ACR: variants seen among roughly 807,000 people sequenced by gnomAD.
ACR encodes the protein acrosin, also known as acrosin light and heavy chain prepropeptide.
Under a neutral mutation model 26.0 loss-of-function variants are expected in ACR, and 17 were observed. The ratio of observed to expected loss-of-function variants is 0.65; its 90% CI spans 0.45 to 0.98. The LOEUF is 0.98. Among genes scored for constraint, ACR ranks in the 50% least tolerant of loss-of-function variants. The pLI, the probability that ACR is intolerant of heterozygous loss-of-function variation, is 0.00. For synonymous variants in ACR, 199 were observed against 207.7 expected (o/e 0.96, Z 0.36); for missense variants, 435 against 519.3 (o/e 0.84, Z 1.58).
intron 3 of ACR, among the ~76,000 whole-genome samples, chr22:50,742,367 A>C (rs934888923): frequency 1.3e-5 from 2 of 151,594 alleles, no homozygotes; most frequent in African/African-American, 2.4e-5. Flanking sequence ...ACACGGTGAA[A>C]CCTCATTTCT....
Position 50,739,472 on chromosome 22 carries a change from A to G in ACR, c.279A>G (p.Lys93=). ...VLTAAHCFVG[K]NNVHDWRLVF... ...CTGCTGCTCACTGCTTCGTCGGCAA[A>G]AAGTACGTGTAGGGATGCACTGAGG... is the stretch of plus-strand genomic sequence containing the variant. Residue 93 remains lysine (K), a splice_region_variant and synonymous_variant, in exon 2 of 5, where the codon AAA becomes AAG. Transcript: ENST00000216139. The surrounding 1 kb of genome is among the most constrained non-coding windows in gnomAD (Gnocchi z 5.5). The G allele has an allele frequency of 1.2e-6, 2 of 1,614,122 alleles. No individual in the cohort carries two copies. Among genetic ancestry groups the G allele is most frequent in the Non-Finnish European group, 1.7e-6 (2 of 1,180,004 alleles).
intron 3 of ACR, among the ~76,000 whole-genome samples, chr22:50,742,436 C>G (rs1171267365): frequency 6.6e-6 from 1 of 150,606 alleles, no homozygotes; most frequent in African/African-American, 2.4e-5. Flanking sequence ...CCCAGCTACT[C>G]GGGAGGCTGA....
chr22:50,743,259 A>AGT (rs2083434424), intron 3 of ACR, among the ~76,000 whole-genome samples: 1 of 151,336 alleles, frequency 6.6e-6, no homozygotes, highest in Admixed American at 6.6e-5. Context: ...ATGGTCTCGA[A>AGT]CTCCTGACCT....
In ACR at chr22:50,744,687, G is replaced by A. The variant is rs1349831341; in HGVS notation, c.746G>A (p.Ser249Asn). 1.9e-6 allele frequency: 3 copies of A among 1,613,054 alleles called. No homozygotes were observed. The highest frequency in any genetic ancestry group is 1.6e-4 in the Middle Eastern group (1 of 6,076). ...DSGGPLMCKD[S>N]KESAYVVVGI... ...GGCGGGCCTCTCATGTGCAAAGACA[G>A]CAAGGAAAGCGCCTATGTGGTCGTG... Residue 249 changes from serine to asparagine, a missense_variant, in exon 5 of 5, where the codon AGC (serine) becomes AAC (asparagine). Ser to Asn is a conservative substitution (Grantham distance 46). Coordinates refer to ENST00000216139, the MANE Select transcript of ACR (RefSeq NM_001097.3).
At chr22:50,743,737 C>T (rs1029734083) in intron 3 of ACR, among the ~76,000 whole-genome samples, 29 of 152,162 alleles carry the variant, frequency 1.9e-4, no homozygotes, top group Admixed American at 1.3e-4. Context: ...TTGGTGCACA[C>T]TAGGTGTTAT....
rs1280385388 is a variant in ACR at position 50,741,133 on chromosome 22, C to T, written c.565+1156C>T. Among the ~76,000 whole-genome samples the T allele has an allele frequency of 3.3e-5, 5 of 152,212 alleles. No homozygotes were observed. In the South Asian group the frequency reaches 6.2e-4, roughly 19 times the overall value. On this transcript the variant is annotated intron_variant, in intron 3 of 4. Coordinates refer to ENST00000216139, the MANE Select transcript of ACR (RefSeq NM_001097.3). Reference sequence around the variant, plus strand: ...GCAATTCAGTCATATGAGTCTAAAACGCAGCCTTTTTTGGGTAACAACAAC... The same window carrying T: ...GCAATTCAGTCATATGAGTCTAAAATGCAGCCTTTTTTGGGTAACAACAAC...
chr22:50,742,462 T>C (rs1002648495), intron 3 of ACR, among the ~76,000 whole-genome samples: 18 of 149,234 alleles, frequency 1.2e-4, no homozygotes, highest in African/African-American at 4.0e-4. Flanking sequence ...GAGAATGGCG[T>C]GAACCCAGGA....
At position 50,745,277 on chromosome 22, in the gene ACR, A is replaced by G. The variant is rs2083445457; in HGVS notation, c.*70A>G. The G allele has an allele frequency of 1.0e-6, 1 of 986,456 alleles. No individual in the cohort carries two copies. Among genetic ancestry groups the G allele is most frequent in the African/African-American group, 1.7e-5 (1 of 59,020 alleles). 61.1% of individuals were successfully genotyped at this position (986,456 alleles called of 1,614,324 possible). A position where few individuals can be genotyped will look rare whatever the true frequency, so the allele number is the denominator to read the frequency against. ...GAAAAAGGAAAGATGAAATAAATAAATAAACATATATATATAGATATACAC... is the reference window on the plus strand; with the variant it reads ...GAAAAAGGAAAGATGAAATAAATAAGTAAACATATATATATAGATATACAC... On this transcript the variant is annotated 3_prime_UTR_variant, in exon 5 of 5. Coordinates refer to ENST00000216139, the MANE Select transcript of ACR (RefSeq NM_001097.3).
intron 3 of ACR, 112 bp downstream of exon 3, chr22:50,740,089 C>T (rs570026811): frequency 2.0e-5 from 27 of 1,343,164 alleles, no homozygotes; most frequent in African/African-American, 1.3e-4. Context: ...ATCCTCCTCA[C>T]GGCGCTACAC....
chr22:50,738,370 G>A (rs762627827), intron 1 of ACR, 58 bp downstream of exon 1: 63 of 1,530,936 alleles, frequency 4.1e-5, no homozygotes, highest in African/African-American at 2.2e-4. Context: ...GTACCACCCC[G>A]ACTCCCTCTG....
chr22:50,741,830 T>A (rs1287381198), intron 3 of ACR, among the ~76,000 whole-genome samples: 1 of 151,248 alleles, frequency 6.6e-6, no homozygotes, highest in Non-Finnish European at 1.5e-5. Context: ...TAAGCATTTG[T>A]TATTTAAAGC....
intron 3 of ACR, chr22:50,740,316 C>T (rs1487744660): frequency 1.8e-6 from 1 of 567,836 alleles, no homozygotes; most frequent in African/African-American, 1.9e-5. Flanking sequence ...GAGAAGAGCT[C>T]CAGATAAGGT....
chr22:50,739,610 C>G lies in ACR; in HGVS notation c.282-84C>G. On this transcript the variant is annotated intron_variant, in intron 2 of 4. Transcript: ENST00000216139. This position sits in a 1 kb window ranked among gnomAD's most constrained non-coding sequence, Gnocchi z 5.5. ...CAAGACTCCGGGGGCTGGTCCAGAC[C>G]TTTGCTAGGGGAAGGCCCTGAGGGT... 6.4e-7 allele frequency: 1 copy of G among 1,552,138 alleles called. No individual in the cohort carries two copies.
intron 4 of ACR, 43 bp downstream of exon 4, chr22:50,744,249 A>G (rs750946811): frequency 1.3e-5 from 20 of 1,532,170 alleles, no homozygotes; most frequent in Non-Finnish European, 1.7e-5. Flanking sequence ...TCCCTCCAGG[A>G]CTCTCCCGGC....
At chr22:50,742,602 T>C (rs2083429947) in intron 3 of ACR, among the ~76,000 whole-genome samples, 1 of 151,834 alleles carries the variant, frequency 6.6e-6, no homozygotes, top group Admixed American at 6.6e-5. Flanking sequence ...GTTGTCATTG[T>C]TGTTTCAATG....
In ACR at chr22:50,739,992, G is replaced by A. The variant is rs774080258; in HGVS notation, c.565+15G>A. ...AGAAGAGAAAGGTGAGTATGGGAGC[G>A]CCTCCAAGGGGGGACGCTGCTGGCC... On this transcript the variant is annotated intron_variant, in intron 3 of 4. Coordinates refer to ENST00000216139, the MANE Select transcript of ACR (RefSeq NM_001097.3). The surrounding 1 kb of genome is among the most constrained non-coding windows in gnomAD (Gnocchi z 5.5). 35 of 1,612,712 alleles carry A rather than the reference G, an allele frequency of 2.2e-5. No individual in the cohort carries two copies. The highest frequency in any genetic ancestry group is 1.5e-4 in the Admixed American group (9 of 60,002).
Position 50,745,086 on chromosome 22 carries a change from T to C in ACR, c.1145T>C (p.Leu382Pro). The C allele has an allele frequency of 1.7e-6, 1 of 589,004 alleles. No individual in the cohort carries two copies. Among genetic ancestry groups the C allele is most frequent in the Non-Finnish European group, 2.7e-6 (1 of 372,996 alleles). The allele number at this position is 589,004 out of a possible 1,614,324, so 36.5% of individuals were successfully genotyped here. ...PSSTTKLPQG[L>P]SFAKRLQQLI... ...TCTACCACAAAACTTCCCCAAGGAC[T>C]TTCTTTTGCCAAGCGCCTACAGCAG... The change falls in exon 5 of 5, where the codon CTT (leucine) becomes CCT (proline). Residue 382 changes from leucine to proline, a missense_variant. Physicochemically the swap from Leu to Pro is moderately conservative, Grantham distance 98. This residue lies in a region of ACR where 92 missense variants were observed against 87.8 expected (regional missense o/e 1.05). Transcript: ENST00000216139.
intron 1 of ACR, 139 bp downstream of exon 1, chr22:50,738,451 A>G: frequency 1.2e-6 from 1 of 837,376 alleles, no homozygotes; most frequent in Non-Finnish European, 1.9e-6. Flanking sequence ...AGCAGCCTGG[A>G]GCCCCCAGAC....
intron 1 of ACR, 52 bp downstream of exon 1, chr22:50,738,364 C>A (rs771324284): frequency 6.5e-7 from 1 of 1,549,260 alleles, no homozygotes; most frequent in Non-Finnish European, 8.9e-7. Flanking sequence ...GAGCAGGTAC[C>A]ACCCCGACTC....
Sources: gnomAD v4.1 joint callset for allele counts (sites outside exome capture counted in the v4.1 genomes callset) on GRCh38, gnomAD v4.1.1 for gene constraint, gnomAD v4.1.1 regional missense constraint, Gnocchi (gnomAD v3.1) non-coding constraint, MANE v1.5 for transcripts, NCBI Gene and HGNC (gene_info 2026-07-23, HGNC 2026-07-21) for gene names.